The following DGKE variants were observed in gnomAD, a reference collection of about 807,000 sequenced individuals.
DGKE encodes DAG kinase epsilon.
Under a neutral mutation model 70.0 loss-of-function variants are expected in DGKE, and 53 were observed. The observed-to-expected ratio is 0.76, with a 90% CI of 0.61 to 0.95. DGKE has a LOEUF of 0.95. Among genes scored for constraint, DGKE ranks in the 40% least tolerant of loss-of-function variants. The pLI is 0.00. For synonymous variants in DGKE, 291 were observed against 257.0 expected (o/e 1.13, Z -1.27); for missense variants, 655 against 706.9 (o/e 0.93, Z 0.83).
chr17:56,864,896 T>G lies in DGKE; in HGVS notation c.*2105T>G, dbSNP rs1241537654. 1 of 152,192 alleles carries G rather than the reference T, an allele frequency of 6.6e-6. No homozygotes were observed. The highest frequency in any genetic ancestry group is 2.4e-5 in the African/African-American group (1 of 41,452). 9.4% of individuals were successfully genotyped at this position (152,192 alleles called of 1,614,324 possible). On this transcript the variant is annotated 3_prime_UTR_variant, in exon 12 of 12. Transcript: ENST00000284061. Reference sequence around the variant, plus strand: ...TTACACTGTATTTAGAACAGGCTTATGTAAAATGCCCTCATTTATCTAAAT... The same window carrying G: ...TTACACTGTATTTAGAACAGGCTTAGGTAAAATGCCCTCATTTATCTAAAT...
chr17:56,853,869 A>G (rs897218730), intron 7 of DGKE, among the ~76,000 whole-genome samples: 7 of 152,144 alleles, frequency 4.6e-5, no homozygotes, highest in African/African-American at 1.7e-4. Flanking sequence ...TGCCATGTTC[A>G]TTGCAGCATT....
intron 4 of DGKE, chr17:56,846,358 A>G (rs1367775073): frequency 6.6e-6 from 1 of 152,256 alleles, no homozygotes; most frequent in Non-Finnish European, 1.5e-5. Context: ...TGACTTGTCT[A>G]GAAAAGGCAA....
intron 10 of DGKE, 36 bp from the exon 11 acceptor site, chr17:56,862,104 C>T: frequency 6.2e-7 from 1 of 1,601,288 alleles, no homozygotes; most frequent in Non-Finnish European, 8.6e-7. Context: ...TTTTTTATTG[C>T]ATCATATAAT....
Position 56,864,834 on chromosome 17 carries a change from A to G in DGKE, c.*2043A>G, listed in dbSNP as rs1567826909. The stretch of plus-strand genomic sequence containing the variant: ...ATACAGCTTTTTAATTGTGAAAACT[A>G]CAATTAAAAATTATAATTTTAATAC... On this transcript the variant is annotated 3_prime_UTR_variant, in exon 12 of 12. Coordinates refer to ENST00000284061, the MANE Select transcript of DGKE (RefSeq NM_003647.3). 6.6e-6 allele frequency: 1 copy of G among 152,196 alleles called. No individual in the cohort carries two copies. The highest frequency in any genetic ancestry group is 2.4e-5 in the African/African-American group (1 of 41,460). The allele number at this position is 152,196 out of a possible 1,614,324, so 9.4% of individuals were successfully genotyped here.
chr17:56,847,326 G>A (rs939694759), intron 4 of DGKE: 1 of 140,244 alleles, frequency 7.1e-6, no homozygotes, highest in African/African-American at 2.7e-5. Flanking sequence ...TGGTATAGTA[G>A]ATAAACTATA....
intron 7 of DGKE, among the ~76,000 whole-genome samples, chr17:56,854,524 G>A (rs56722908): frequency 0.016 from 2,498 of 151,740 alleles, 61 homozygotes; most frequent in African/African-American, 0.057. Context: ...TGTGTTGCCC[G>A]GGCTGGTCTC....
chr17:56,843,488 G>A (rs1205839381), intron 2 of DGKE, among the ~76,000 whole-genome samples: 4 of 151,826 alleles, frequency 2.6e-5, no homozygotes, highest in African/African-American at 9.7e-5. Flanking sequence ...ATGGATCTTG[G>A]GGCCCACATT....
chr17:56,858,631 T>C lies in DGKE; in HGVS notation c.1250T>C (p.Val417Ala), dbSNP rs763052903. The change falls in exon 9 of 12, where the codon GTG (valine) becomes GCG (alanine). Residue 417 changes from valine (V) to alanine (A), a missense_variant. Physicochemically the swap from Val to Ala is moderately conservative, Grantham distance 64 (BLOSUM62 0). Transcript: ENST00000284061. ...YLFYGTKDCLVQECKDLNKKV... is the reference protein window; with the variant it reads ...YLFYGTKDCLAQECKDLNKKV... ...TTCTATGGAACCAAAGATTGTTTAG[T>C]GCAAGAATGTAAAGATTTGAATAAA... The C allele has an allele frequency of 1.2e-6, 2 of 1,607,004 alleles. No homozygotes were observed. The highest frequency in any genetic ancestry group is 1.7e-5 in the Admixed American group (1 of 58,586).
Position 56,862,271 on chromosome 17 carries a change from A to G in DGKE, c.1524+20A>G, listed in dbSNP as rs1242598251. The G allele has an allele frequency of 6.3e-7, 1 of 1,594,416 alleles. No homozygotes were observed. Among genetic ancestry groups the G allele is most frequent in the Non-Finnish European group, 8.6e-7 (1 of 1,162,572 alleles). ...GTGAGGGTAGGTGAAATATAGCTGTAACAGGCTAATTTGTCCCAATCCAAT... is the reference window on the plus strand; with the variant it reads ...GTGAGGGTAGGTGAAATATAGCTGTGACAGGCTAATTTGTCCCAATCCAAT... On this transcript the variant is annotated intron_variant, in intron 11 of 11. Transcript: ENST00000284061.
intron 2 of DGKE, among the ~76,000 whole-genome samples, chr17:56,843,286 G>A (rs1403846393): frequency 6.6e-6 from 1 of 152,060 alleles, no homozygotes; most frequent in Non-Finnish European, 1.5e-5. Flanking sequence ...AATTTAGTGA[G>A]GAGAGTTACA....
chr17:56,867,600 C>A lies in DGKE; in HGVS notation c.*4809C>A. ...CCTGGGCAACAGAGCAAGACTCCATCTCAAAAAAAAAAAGGCCGGGCGTGG... is the reference window on the plus strand; with the variant it reads ...CCTGGGCAACAGAGCAAGACTCCATATCAAAAAAAAAAAGGCCGGGCGTGG... On this transcript the variant is annotated 3_prime_UTR_variant, in exon 12 of 12. Transcript: ENST00000284061. 6.7e-6 allele frequency: 1 copy of A among 148,684 alleles called. No individual in the cohort carries two copies. Among genetic ancestry groups the A allele is most frequent in the Non-Finnish European group, 1.5e-5 (1 of 68,022 alleles). 9.2% of individuals were successfully genotyped at this position (148,684 alleles called of 1,614,324 possible). A position where few individuals can be genotyped will look rare whatever the true frequency, so the allele number is the denominator to read the frequency against.
In DGKE at chr17:56,845,723, T is replaced by G; in HGVS notation, c.658T>G (p.Leu220Val). The G allele has an allele frequency of 6.2e-7, 1 of 1,612,444 alleles. No individual in the cohort carries two copies. The stretch of plus-strand genomic sequence containing the variant: ...TAAGCTTGGAAAGCAGTGGACCCCA[T>G]TAATAATCCTGGCCAACTCTCGTAG... ...ASKLGKQWTP[L>V]IILANSRSGT... The change falls in exon 4 of 12, where the codon TTA becomes GTA. Residue 220 changes from leucine to valine, a missense_variant. By Grantham distance (32) the Leu-to-Val change is conservative (BLOSUM62 1). Transcript: ENST00000284061.
At chr17:56,839,273 C>G (rs984452091) in intron 2 of DGKE, among the ~76,000 whole-genome samples, 2 of 151,962 alleles carry the variant, frequency 1.3e-5, no homozygotes, top group African/African-American at 4.8e-5. Context: ...TTTTGCTATC[C>G]TTTTGACTTC....
At chr17:56,845,659 A>C (rs757597168) in intron 3 of DGKE, 31 bp from the exon 4 acceptor site, 4 of 1,592,646 alleles carry the variant, frequency 2.5e-6, no homozygotes, top group East Asian at 4.5e-5. Flanking sequence ...TTAAGATACT[A>C]AACCTTTTCA....
chr17:56,853,336 T>C (rs1244996448), intron 7 of DGKE, among the ~76,000 whole-genome samples: 1 of 152,244 alleles, frequency 6.6e-6, no homozygotes, highest in Non-Finnish European at 1.5e-5. Flanking sequence ...GCCTATGCTT[T>C]TGAGATCATA....
At chr17:56,856,282 T>C (rs1383753293) in intron 7 of DGKE, among the ~76,000 whole-genome samples, 1 of 152,112 alleles carries the variant, frequency 6.6e-6, no homozygotes, top group African/African-American at 2.4e-5. Context: ...GTCTGAGGTG[T>C]AGCATATAAA....
intron 2 of DGKE, chr17:56,838,802 C>G (rs114927248): frequency 6.6e-6 from 1 of 151,820 alleles, no homozygotes; most frequent in Non-Finnish European, 1.5e-5. Flanking sequence ...GTTTTAGTTA[C>G]GTATGTTCAT....
intron 7 of DGKE, among the ~76,000 whole-genome samples, chr17:56,853,621 T>C (rs1181040878): frequency 6.6e-6 from 1 of 152,218 alleles, no homozygotes; most frequent in Admixed American, 6.5e-5. Context: ...GATATGTGTA[T>C]TTATTTGGGG....
In DGKE at chr17:56,866,508, C is replaced by T. The variant is rs985852582; in HGVS notation, c.*3717C>T. 1 of 152,224 alleles carries T rather than the reference C, an allele frequency of 6.6e-6. No individual in the cohort carries two copies. Among genetic ancestry groups the T allele is most frequent in the Non-Finnish European group, 1.5e-5 (1 of 68,036 alleles). 9.4% of individuals were successfully genotyped at this position (152,224 alleles called of 1,614,324 possible). ...ATTGTTTTTCTTCTACTCCGCTGTC[C>T]TCTTCCCTCAAAATCACTTTTCTAA... On this transcript the variant is annotated 3_prime_UTR_variant, in exon 12 of 12. Transcript: ENST00000284061.
Sources: gnomAD v4.1 joint callset for allele counts (sites outside exome capture counted in the v4.1 genomes callset) on GRCh38, gnomAD v4.1.1 for gene constraint, MANE v1.5 for transcripts, NCBI Gene and HGNC (gene_info 2026-07-23, HGNC 2026-07-21) for gene names.